Variants in RAD51B observed in about 807,000 individuals in gnomAD.
The protein encoded by RAD51B is RAD51 paralog B.
In RAD51B, 38 loss-of-function variants were observed where a neutral mutation model predicts 42.2. That is an observed-to-expected ratio of 0.90 (90% confidence interval 0.70 to 1.18). The LOEUF is 1.18. RAD51B is among the 50% of genes most tolerant of loss of function. The probability of loss-of-function intolerance (pLI) is 0.00; values close to 1 mark genes in which losing one functional copy is unlikely to be tolerated. For synonymous variants in RAD51B, 154 were observed against 145.2 expected (o/e 1.06, Z -0.43); for missense variants, 373 against 400.7 (o/e 0.93, Z 0.59).
intron 8 of RAD51B, among the ~76,000 whole-genome samples, chr14:68,322,001 T>A (rs2082165602): frequency 6.6e-6 from 1 of 152,154 alleles, no homozygotes; most frequent in Admixed American, 6.5e-5. Context: ...CTCAAACTCC[T>A]GAGCTCAGGG....
chr14:68,431,580 G>A (rs992204332), intron 9 of RAD51B, among the ~76,000 whole-genome samples: 1 of 152,136 alleles, frequency 6.6e-6, no homozygotes, highest in African/African-American at 2.4e-5. Context: ...TTGTATTTCT[G>A]TGGGATCAGT....
At chr14:68,633,269 T>G (rs1418088636) in intron 10 of RAD51B, among the ~76,000 whole-genome samples, 1 of 152,128 alleles carries the variant, frequency 6.6e-6, no homozygotes, top group African/African-American at 2.4e-5. Context: ...GACAGAAACC[T>G]GATTCTTTTC....
chr14:67,836,984 CTG>C (rs1056864215), intron 4 of RAD51B, among the ~76,000 whole-genome samples: 3 of 135,596 alleles, frequency 2.2e-5, no homozygotes, highest in Admixed American at 1.4e-4. Flanking sequence ...CATAATTTAA[CTG>C]TGGATTTTTT....
At chr14:68,434,121 T>C (rs985041904) in intron 9 of RAD51B, among the ~76,000 whole-genome samples, 1 of 152,182 alleles carries the variant, frequency 6.6e-6, no homozygotes, top group African/African-American at 2.4e-5. Flanking sequence ...CTCACAGGGG[T>C]ACCTGGCCAT....
intron 7 of RAD51B, among the ~76,000 whole-genome samples, chr14:68,163,935 G>A (rs189247598): frequency 3.3e-5 from 5 of 152,256 alleles, no homozygotes; most frequent in African/African-American, 1.2e-4. Context: ...AATAAATGGT[G>A]CTGGGTTAAT....
At chr14:68,517,412 G>A (rs543053929) in intron 10 of RAD51B, among the ~76,000 whole-genome samples, 57 of 152,240 alleles carry the variant, frequency 3.7e-4, no homozygotes, top group African/African-American at 1.3e-3. Flanking sequence ...GAAGAATGCC[G>A]TGACTGCCAG....
At chr14:67,894,296 A>C (rs2140074784) in intron 7 of RAD51B, among the ~76,000 whole-genome samples, 1 of 152,328 alleles carries the variant, frequency 6.6e-6, no homozygotes, top group Admixed American at 6.5e-5. Flanking sequence ...CAAGTGCCTC[A>C]GAAGGAAGAA....
intron 9 of RAD51B, among the ~76,000 whole-genome samples, chr14:68,419,670 C>A (rs1446069121): frequency 6.6e-6 from 1 of 152,212 alleles, no homozygotes; most frequent in Admixed American, 6.5e-5. Flanking sequence ...TCCCTTAAAT[C>A]CTGGCTCCCT....
At chr14:68,610,856 T>TGTGTGTGC (rs1891650153) in intron 10 of RAD51B, 2 of 603,086 alleles carry the variant, frequency 3.3e-6, no homozygotes, top group African/African-American at 3.8e-5. Context: ...TGTGTGTGTG[T>TGTGTGTGC]GTGTGTGTGT....
At chr14:67,953,841 A>C (rs1270637879) in intron 7 of RAD51B, among the ~76,000 whole-genome samples, 1 of 152,150 alleles carries the variant, frequency 6.6e-6, no homozygotes, top group Non-Finnish European at 1.5e-5. Context: ...TTGGGAAATT[A>C]AGAAGATGTA....
intron 8 of RAD51B, among the ~76,000 whole-genome samples, chr14:68,357,849 G>C (rs2139899403): frequency 6.6e-6 from 1 of 152,294 alleles, no homozygotes; most frequent in East Asian, 1.9e-4. Flanking sequence ...CTAGAGCACA[G>C]ACAGCCATTT....
chr14:67,998,056 C>T (rs1483711782), intron 7 of RAD51B, among the ~76,000 whole-genome samples: 1 of 152,186 alleles, frequency 6.6e-6, no homozygotes, highest in Non-Finnish European at 1.5e-5. Context: ...TACTCTAGGG[C>T]AGTGGCTCTC....
chr14:68,677,001 C>T (rs188988801), intron 11 of RAD51B, among the ~76,000 whole-genome samples: 3 of 152,256 alleles, frequency 2.0e-5, no homozygotes, highest in African/African-American at 7.2e-5. Context: ...GCCAAAGGCC[C>T]CAGAGGTTCA....
chr14:67,930,912 T>C (rs549026925), intron 7 of RAD51B, among the ~76,000 whole-genome samples: 1 of 139,812 alleles, frequency 7.2e-6, no homozygotes, highest in Non-Finnish European at 1.5e-5. Flanking sequence ...CTGCCTGGGT[T>C]ATTTCTTTTT....
In RAD51B at chr14:68,198,325, G is replaced by A. The variant is rs146254685; in HGVS notation, c.757-93559G>A. Among the ~76,000 whole-genome samples, 8 of 152,222 alleles carry A rather than the reference G, an allele frequency of 5.3e-5. No individual in the cohort carries two copies. In the East Asian group the frequency reaches 1.5e-3, roughly 29 times the overall value. On this transcript the variant is annotated intron_variant, in intron 7 of 10. Coordinates refer to ENST00000471583, the MANE Select transcript of RAD51B (RefSeq NM_133510.4). ...TTTGCTATCTTTACACCACTCCTAT[G>A]TTGCTTAGGCTCTGAGGCTTTATAC...
intron 8 of RAD51B, among the ~76,000 whole-genome samples, chr14:68,380,378 A>G (rs2083456415): frequency 1.3e-5 from 2 of 152,258 alleles, no homozygotes; most frequent in Admixed American, 6.5e-5. Context: ...TGGTCTCAGA[A>G]TGACATCTCA....
At chr14:68,171,763 A>G (rs981001103) in intron 7 of RAD51B, among the ~76,000 whole-genome samples, 2 of 150,828 alleles carry the variant, frequency 1.3e-5, no homozygotes, top group Non-Finnish European at 3.0e-5. Flanking sequence ...CTGGAGTGCA[A>G]TGGGGCGATC....
chr14:67,911,712 C>T lies in RAD51B; in HGVS notation c.756+24508C>T, dbSNP rs150510692. ...CTACTTGTGGTAAAAAAGACCCTAC[C>T]GTTATTTTTGGCAAGTCAGGAGATG... On this transcript the variant is annotated intron_variant, in intron 7 of 10. Coordinates refer to ENST00000471583, the MANE Select transcript of RAD51B (RefSeq NM_133510.4). 8.9e-3 allele frequency among the ~76,000 whole-genome samples: 1,348 copies of T among 151,952 alleles called. 20 individuals are homozygous for T. Among genetic ancestry groups the T allele is most frequent in the African/African-American group, 0.031 (1,270 of 41,424 alleles).
intron 7 of RAD51B, among the ~76,000 whole-genome samples, chr14:67,901,547 T>C (rs1566949515): frequency 1.3e-5 from 2 of 152,174 alleles, no homozygotes; most frequent in African/African-American, 2.4e-5. Flanking sequence ...CCTCTCCTTA[T>C]GCTTTTCTCT....
Sources: gnomAD v4.1 joint callset for allele counts (sites outside exome capture counted in the v4.1 genomes callset) on GRCh38, gnomAD v4.1.1 for gene constraint, MANE v1.5 for transcripts, NCBI Gene and HGNC (gene_info 2026-07-23, HGNC 2026-07-21) for gene names.